TBL1Y: variants seen among roughly 807,000 people sequenced by gnomAD.
TBL1Y encodes the protein transducin beta like 1 Y-linked.
A neutral mutation model predicts 12.0 loss-of-function variants in TBL1Y; 15 were observed. The ratio of observed to expected loss-of-function variants is 1.25; its 90% CI spans 0.83 to 1.92. TBL1Y has a LOEUF of 1.92. Ranked by LOEUF, TBL1Y falls within the 40% of genes most tolerant of loss-of-function variation. The probability of loss-of-function intolerance (pLI) is 0.00; values close to 1 mark genes in which losing one functional copy is unlikely to be tolerated. For synonymous variants in TBL1Y, 53 were observed against 42.6 expected, an observed-to-expected ratio of 1.24 and a Z score of -0.95; for missense variants, 148 against 116.7, an observed-to-expected ratio of 1.27 and a Z score of -1.24.
chrY:7,044,093 C>T, intron 7 of TBL1Y, among the ~76,000 whole-genome samples: 1 of 33,631 alleles, frequency 3.0e-5, no homozygotes, highest in Non-Finnish European at 7.4e-5. Flanking sequence ...CACCCCTTTC[C>T]CTGTCTTGCC....
At chrY:6,997,723 G>A in intron 4 of TBL1Y, among the ~76,000 whole-genome samples, 1 of 33,986 alleles carries the variant, frequency 2.9e-5, no homozygotes, top group Non-Finnish European at 7.3e-5. Flanking sequence ...CTTGCATGAA[G>A]GCAGACAACT....
chrY:6,964,591 A>C (rs775930019), intron 2 of TBL1Y, among the ~76,000 whole-genome samples: 24 of 33,330 alleles, frequency 7.2e-4, no homozygotes. Context: ...TACTCCATCA[A>C]TCTACCAGGT....
rs767703217 is a variant in TBL1Y at position 6,956,484 on chromosome Y, C to T, written c.-265-21729C>T. Among the ~76,000 whole-genome samples the T allele has an allele frequency of 9.0e-5, 3 of 33,479 alleles. No homozygotes were observed. In the East Asian group the frequency reaches 2.4e-3, roughly 26 times the overall value. The allele number at this position is 33,479 out of a possible 37,273, so 89.8% of individuals were successfully genotyped here. A position where few individuals can be genotyped will look rare whatever the true frequency, so the allele number is the denominator to read the frequency against. ...TTCCTCAGACAATCACATTTGATGCCTGCTCACCATACCTTGCAGGGATCT... is the reference window on the plus strand; with the variant it reads ...TTCCTCAGACAATCACATTTGATGCTTGCTCACCATACCTTGCAGGGATCT... On this transcript the variant is annotated intron_variant, in intron 2 of 18. Transcript: ENST00000383032.
intron 4 of TBL1Y, among the ~76,000 whole-genome samples, chrY:7,002,813 C>T (rs2012460965): frequency 3.0e-5 from 1 of 33,746 alleles, no homozygotes; most frequent in South Asian, 6.7e-4. Flanking sequence ...TCGTTTGCAG[C>T]TTATGCTTAT....
chrY:7,077,854 A>C, intron 13 of TBL1Y, among the ~76,000 whole-genome samples: 1 of 33,421 alleles, frequency 3.0e-5, no homozygotes, highest in Non-Finnish European at 7.4e-5. Flanking sequence ...GATTCTTCTC[A>C]GTTCAGCATT....
Position 7,043,121 on chromosome Y carries a change from A to T in TBL1Y, c.200A>T (p.Asn67Ile), listed in dbSNP as rs376711921. The T allele has an allele frequency of 1.3e-5, 5 of 396,425 alleles. No homozygotes were observed. Among genetic ancestry groups the T allele is most frequent in the Non-Finnish European group, 1.8e-5 (5 of 283,158 alleles). ...TATGTAGAGGCTGAGATAAGCATCA[A>T]CAAGGTATGTAGCTGCTGGGCCTGG... ...LQYVEAEISI[N>I]KDGTVFDSRP... is the part of the protein sequence containing the mutation. Residue 67 changes from asparagine (N) to isoleucine (I), a missense_variant, in exon 7 of 19, where the codon AAC becomes ATC. Physicochemically the swap from Asn to Ile is moderately radical, Grantham distance 149. Transcript: ENST00000383032.
intron 2 of TBL1Y, among the ~76,000 whole-genome samples, chrY:6,925,854 T>C: frequency 2.9e-5 from 1 of 34,251 alleles, no homozygotes; most frequent in Non-Finnish European, 7.3e-5. Context: ...ATGTGGAACT[T>C]GAGTCCATTA....
intron 7 of TBL1Y, among the ~76,000 whole-genome samples, chrY:7,058,601 T>C: frequency 2.9e-5 from 1 of 34,282 alleles, no homozygotes; most frequent in Non-Finnish European, 7.3e-5. Flanking sequence ...TTTTGTTTAA[T>C]GTGTGGACAG....
At chrY:7,046,709 G>C (rs772318142) in intron 7 of TBL1Y, among the ~76,000 whole-genome samples, 3 of 33,917 alleles carry the variant, frequency 8.8e-5, no homozygotes, top group Admixed American at 2.7e-4. Flanking sequence ...CCAATGTTTT[G>C]TTTTTGACTG....
chrY:6,950,090 A>C, intron 2 of TBL1Y, among the ~76,000 whole-genome samples: 1 of 33,913 alleles, frequency 2.9e-5, no homozygotes, highest in Non-Finnish European at 7.3e-5. Flanking sequence ...ATATGTGTAC[A>C]CAAATACTTA....
At chrY:6,975,475 T>C (rs2012231819) in intron 2 of TBL1Y, among the ~76,000 whole-genome samples, 1 of 33,197 alleles carries the variant, frequency 3.0e-5, no homozygotes, top group Non-Finnish European at 7.4e-5. Flanking sequence ...CCAACTTTTT[T>C]CTCTTCTTTT....
intron 8 of TBL1Y, among the ~76,000 whole-genome samples, chrY:7,064,651 G>C (rs766789034): frequency 6.5e-4 from 22 of 33,680 alleles, no homozygotes; most frequent in Admixed American, 1.3e-3. Flanking sequence ...CAGTGAGTCT[G>C]AATTTCTACC....
chrY:6,923,764 C>T, intron 2 of TBL1Y, among the ~76,000 whole-genome samples: 4 of 32,397 alleles, frequency 1.2e-4, no homozygotes, highest in Non-Finnish European at 3.0e-4. Context: ...TGATCCACCC[C>T]CCTCAGCCTT....
chrY:6,991,703 A>C (rs2012365266), intron 3 of TBL1Y, among the ~76,000 whole-genome samples: 1 of 33,579 alleles, frequency 3.0e-5, no homozygotes, highest in Admixed American at 2.7e-4. Flanking sequence ...TGTATTCCAG[A>C]ACTGTGAGAG....
At chrY:7,004,990 C>G in intron 4 of TBL1Y, among the ~76,000 whole-genome samples, 1 of 33,284 alleles carries the variant, frequency 3.0e-5, no homozygotes, top group African/African-American at 1.2e-4. Context: ...AGGGATAGTA[C>G]GTCATGATCC....
intron 2 of TBL1Y, among the ~76,000 whole-genome samples, chrY:6,953,332 G>C: frequency 1.8e-4 from 6 of 33,283 alleles, no homozygotes; most frequent in Non-Finnish European, 4.5e-4. Flanking sequence ...ACGTAGATTT[G>C]GTCTTTTCAC....
intron 3 of TBL1Y, among the ~76,000 whole-genome samples, chrY:6,991,898 C>A (rs2012367192): frequency 5.9e-5 from 2 of 33,939 alleles, no homozygotes; most frequent in Non-Finnish European, 1.5e-4. Flanking sequence ...TTCTCGTTAC[C>A]CAGAAAAGAA....
intron 7 of TBL1Y, among the ~76,000 whole-genome samples, chrY:7,061,184 A>G (rs761528739): frequency 2.3e-3 from 46 of 20,291 alleles, no homozygotes; most frequent in Admixed American, 3.1e-3. Context: ...GTATTTTTCT[A>G]CTTTCTTCTG....
intron 3 of TBL1Y, among the ~76,000 whole-genome samples, chrY:6,993,201 C>CTT (rs2012383522): frequency 1.6e-4 from 2 of 12,296 alleles, no homozygotes; most frequent in Non-Finnish European, 3.4e-4. Context: ...TTCTTTCTTT[C>CTT]TTTCTTTCTT....
Sources: allele counts gnomAD v4.1 joint callset (sites outside exome capture counted in the v4.1 genomes callset), GRCh38; gene constraint gnomAD v4.1.1; transcripts MANE v1.5; gene names NCBI Gene and HGNC (gene_info 2026-07-23, HGNC 2026-07-21).